The following NALF1 variants were observed in gnomAD, a reference collection of about 807,000 sequenced individuals.
The protein encoded by NALF1 is family with sequence similarity 155 member A.
NALF1 carries 3 observed loss-of-function variants against 48.4 expected under a neutral mutation model. The ratio of observed to expected loss-of-function variants is 0.06; its 90% CI spans 0.03 to 0.16. NALF1 has a LOEUF of 0.16. Among genes scored for constraint, NALF1 ranks in the 10% least tolerant of loss-of-function variants. The pLI is 1.00. For synonymous variants in NALF1, 262 were observed against 245.7 expected (o/e 1.07, Z -0.62); for missense variants, 526 against 571.5 (o/e 0.92, Z 0.81).
intron 1 of NALF1, among the ~76,000 whole-genome samples, chr13:107,610,933 A>T (rs2138432064): frequency 6.6e-6 from 1 of 152,310 alleles, no homozygotes; most frequent in Admixed American, 6.5e-5. Flanking sequence ...GTAGGTGTCA[A>T]TAAAACCCAA....
chr13:107,778,557 G>A lies in NALF1; in HGVS notation c.915+87125C>T, dbSNP rs964652652. ...AATGGCTGGCAGTCTGTTGAAAGCA[G>A]GTTTCAGGCTAGGATTAAAACAGGA... On this transcript the variant is annotated intron_variant, in intron 1 of 2. Coordinates refer to ENST00000375915, the MANE Select transcript of NALF1 (RefSeq NM_001080396.3). 2.0e-5 allele frequency among the ~76,000 whole-genome samples: 3 copies of A among 152,292 alleles called. No individual in the cohort carries two copies. In the East Asian group the frequency reaches 5.8e-4, roughly 29 times the overall value.
intron 1 of NALF1, among the ~76,000 whole-genome samples, chr13:107,569,114 A>G (rs1370734094): frequency 1.3e-5 from 2 of 152,152 alleles, no homozygotes; most frequent in African/African-American, 4.8e-5. Context: ...AGTGTGAGAT[A>G]CAGGTCAAAG....
intron 1 of NALF1, among the ~76,000 whole-genome samples, chr13:107,640,247 TAGTC>T (rs1388481156): frequency 1.3e-5 from 2 of 152,130 alleles, no homozygotes; most frequent in Non-Finnish European, 2.9e-5. Flanking sequence ...ACTACGGCAT[TAGTC>T]AGAGGAACAA....
chr13:107,342,886 G>C (rs138960500), intron 1 of NALF1, among the ~76,000 whole-genome samples: 123 of 152,234 alleles, frequency 8.1e-4, no homozygotes, highest in Middle Eastern at 6.8e-3. Flanking sequence ...TGACGCATAC[G>C]TTGACAGAAG....
chr13:107,198,256 T>A (rs980942713), intron 2 of NALF1, among the ~76,000 whole-genome samples: 92 of 152,148 alleles, frequency 6.0e-4, no homozygotes, highest in African/African-American at 2.2e-3. Flanking sequence ...CAGATTTAGG[T>A]CTAAAGTCTT....
intron 1 of NALF1, among the ~76,000 whole-genome samples, chr13:107,735,754 T>C (rs1250445468): frequency 6.6e-6 from 1 of 152,320 alleles, no homozygotes. Context: ...CAGATAAAGG[T>C]AGTTGCCTCT....
intron 1 of NALF1, among the ~76,000 whole-genome samples, chr13:107,230,011 G>A (rs528631148): frequency 2.6e-5 from 4 of 152,342 alleles, no homozygotes; most frequent in Middle Eastern, 6.8e-3. Context: ...TTACCCTTGA[G>A]GGGAAGGATA....
intron 1 of NALF1, among the ~76,000 whole-genome samples, chr13:107,798,912 T>A (rs1878516060): frequency 6.6e-6 from 1 of 152,228 alleles, no homozygotes; most frequent in African/African-American, 2.4e-5. Flanking sequence ...ATCGTAGCCT[T>A]TTGAGCACCT....
intron 1 of NALF1, among the ~76,000 whole-genome samples, chr13:107,521,689 C>G (rs1876244095): frequency 6.6e-6 from 1 of 152,062 alleles, no homozygotes; most frequent in Non-Finnish European, 1.5e-5. Flanking sequence ...AGGAGTTGCT[C>G]TCATCAGCTG....
chr13:107,379,454 C>G (rs894970691), intron 1 of NALF1, among the ~76,000 whole-genome samples: 1 of 152,122 alleles, frequency 6.6e-6, no homozygotes, highest in African/African-American at 2.4e-5. Context: ...GTTTCCTACC[C>G]TTTACATTTT....
At chr13:107,592,065 T>C (rs1878615120) in intron 1 of NALF1, among the ~76,000 whole-genome samples, 1 of 152,008 alleles carries the variant, frequency 6.6e-6, no homozygotes, top group Non-Finnish European at 1.5e-5. Context: ...AAAGAAAATG[T>C]ATGTGTGTGT....
intron 2 of NALF1, among the ~76,000 whole-genome samples, chr13:107,188,692 G>C (rs1407611163): frequency 6.6e-6 from 1 of 152,126 alleles, no homozygotes; most frequent in Admixed American, 6.5e-5. Flanking sequence ...GTGAGAGTAA[G>C]GATGAGTCCT....
chr13:107,340,469 CTCTCTT>C (rs942542876), intron 1 of NALF1, among the ~76,000 whole-genome samples: 8 of 36,234 alleles, frequency 2.2e-4, no homozygotes, highest in African/African-American at 4.5e-4. Context: ...TTTCTTTCTT[CTCTCTT>C]TCTTTCTTTC....
intron 1 of NALF1, among the ~76,000 whole-genome samples, chr13:107,660,810 A>G (rs956257079): frequency 6.6e-6 from 1 of 151,940 alleles, no homozygotes; most frequent in African/African-American, 2.4e-5. Flanking sequence ...AGGTTCATCC[A>G]CTGTAACAAA....
chr13:107,368,545 T>C (rs984923394), intron 1 of NALF1, among the ~76,000 whole-genome samples: 2 of 152,132 alleles, frequency 1.3e-5, no homozygotes, highest in African/African-American at 4.8e-5. Flanking sequence ...CCACTCTTCG[T>C]CTCTTCTGGC....
At chr13:107,357,247 G>C (rs1323162791) in intron 1 of NALF1, among the ~76,000 whole-genome samples, 1 of 152,168 alleles carries the variant, frequency 6.6e-6, no homozygotes, top group Non-Finnish European at 1.5e-5. Flanking sequence ...AGCAAGCACA[G>C]ACCTTCTCAT....
intron 1 of NALF1, among the ~76,000 whole-genome samples, chr13:107,428,098 T>C (rs1367388846): frequency 6.6e-6 from 1 of 152,188 alleles, no homozygotes; most frequent in African/African-American, 2.4e-5. Flanking sequence ...GAGCTCATCC[T>C]TGAAGGAGTG....
intron 1 of NALF1, among the ~76,000 whole-genome samples, chr13:107,659,474 C>T (rs953191663): frequency 1.3e-5 from 2 of 150,514 alleles, no homozygotes; most frequent in Non-Finnish European, 2.9e-5. Context: ...TTCTAGAGAC[C>T]TATTCTCCCT....
chr13:107,201,347 T>A (rs923317181), intron 2 of NALF1, among the ~76,000 whole-genome samples: 15 of 152,300 alleles, frequency 9.8e-5, no homozygotes, highest in African/African-American at 3.4e-4. Context: ...GAGGCCCAGG[T>A]GGGCAGATCA....
Sources: allele counts gnomAD v4.1 joint callset (sites outside exome capture counted in the v4.1 genomes callset), GRCh38; gene constraint gnomAD v4.1.1; transcripts MANE v1.5; gene names NCBI Gene and HGNC (gene_info 2026-07-23, HGNC 2026-07-21).